MARK3: variants seen among roughly 807,000 people sequenced by gnomAD.
MARK3 encodes microtubule affinity regulating kinase 3.
Under a neutral mutation model 90.1 loss-of-function variants are expected in MARK3, and 46 were observed. That is an observed-to-expected ratio of 0.51 (90% CI 0.40 to 0.65). The LOEUF (loss-of-function observed/expected upper bound fraction) is 0.65, where lower values mean the gene tolerates loss of function less well. MARK3 is among the 30% of genes least tolerant of loss of function. MARK3 has a pLI of 0.00. For synonymous variants in MARK3, 321 were observed against 332.6 expected (o/e 0.97, Z 0.38); for missense variants, 818 against 947.2 (o/e 0.86, Z 1.79).
At chr14:103,422,820 T>G (rs1363983240) in intron 2 of MARK3, among the ~76,000 whole-genome samples, 1 of 152,222 alleles carries the variant, frequency 6.6e-6, no homozygotes, top group African/African-American at 2.4e-5. Context: ...TAACCAACTG[T>G]TGTAGTTGTT....
chr14:103,494,544 CAAAAAAAAAA>C (rs35133138), intron 15 of MARK3, among the ~76,000 whole-genome samples: 4 of 84,624 alleles, frequency 4.7e-5, no homozygotes, highest in Non-Finnish European at 6.6e-5. Flanking sequence ...AACTCTGTCT[CAAAAAAAAAA>C]AAAAAAAAAA....
Position 103,491,897 on chromosome 14 carries a change from C to G in MARK3, c.1707C>G (p.Pro569=), listed in dbSNP as rs747925372. Residue 569 remains proline, a synonymous_variant, in exon 15 of 18, where the codon CCC becomes CCG. Coordinates refer to ENST00000429436, the MANE Select transcript of MARK3 (RefSeq NM_001128918.3). ...GTCGTAGCACTTTCCACGGCCAGCC[C>G]CGGGAACGGCGAACCGCAACATATA... ...TASRSTFHGQ[P]RERRTATYNG... 7.4e-6 allele frequency: 12 copies of G among 1,614,162 alleles called. No individual in the cohort carries two copies. In the South Asian group the frequency reaches 1.3e-4, roughly 18 times the overall value.
chr14:103,412,571 C>A (rs2091710295), intron 2 of MARK3: 1 of 677,692 alleles, frequency 1.5e-6, no homozygotes. Flanking sequence ...CCCCCAGGAC[C>A]CACACTTGGG....
intron 5 of MARK3, among the ~76,000 whole-genome samples, chr14:103,454,589 C>T (rs1236813290): frequency 6.6e-6 from 1 of 152,176 alleles, no homozygotes; most frequent in East Asian, 1.9e-4. Context: ...AAACAATTTC[C>T]GGGACATATG....
intron 13 of MARK3, among the ~76,000 whole-genome samples, chr14:103,477,396 G>A (rs1219801730): frequency 6.6e-6 from 1 of 152,090 alleles, no homozygotes; most frequent in African/African-American, 2.4e-5. Context: ...GGAGGCTGAG[G>A]CAGGAGAATT....
intron 12 of MARK3, among the ~76,000 whole-genome samples, chr14:103,472,392 C>A (rs1332866749): frequency 6.6e-6 from 1 of 151,738 alleles, no homozygotes; most frequent in African/African-American, 2.4e-5. Context: ...TCGCATAATC[C>A]CAGCACTTTG....
At chr14:103,427,168 T>TC (rs1006178182) in intron 2 of MARK3, among the ~76,000 whole-genome samples, 2 of 151,294 alleles carry the variant, frequency 1.3e-5, no homozygotes, top group Non-Finnish European at 2.9e-5. Context: ...AATTTTCTTT[T>TC]TTTTTTTTCT....
intron 5 of MARK3, among the ~76,000 whole-genome samples, chr14:103,454,474 TCCTGA>T (rs1487837597): frequency 6.6e-6 from 1 of 152,198 alleles, no homozygotes; most frequent in Non-Finnish European, 1.5e-5. Context: ...GGTCTTGAAC[TCCTGA>T]CCTCAAGTGA....
chr14:103,475,521 C>G (rs2093699375), intron 13 of MARK3, among the ~76,000 whole-genome samples: 1 of 152,214 alleles, frequency 6.6e-6, no homozygotes. Flanking sequence ...AGTTCCGTGT[C>G]TGGCAAGGGC....
chr14:103,413,495 C>A (rs2091782499), intron 2 of MARK3, among the ~76,000 whole-genome samples: 1 of 149,900 alleles, frequency 6.7e-6, no homozygotes, highest in Admixed American at 6.7e-5. Context: ...GCGATCTCGG[C>A]TCACTGCAAG....
intron 2 of MARK3, among the ~76,000 whole-genome samples, chr14:103,413,546 C>T (rs762190313): frequency 6.6e-6 from 1 of 151,300 alleles, no homozygotes; most frequent in African/African-American, 2.4e-5. Flanking sequence ...CTTCAGCCTC[C>T]CCAGTAGCTG....
In MARK3 at chr14:103,385,724, C is replaced by T. The variant is rs1003313982; in HGVS notation, c.-306C>T. 5.7e-5 allele frequency: 18 copies of T among 316,576 alleles called. No individual in the cohort carries two copies. The highest frequency in any genetic ancestry group is 1.0e-4 in the Admixed American group (2 of 19,496). 19.6% of individuals were successfully genotyped at this position (316,576 alleles called of 1,614,324 possible). On this transcript the variant is annotated 5_prime_UTR_variant, in exon 1 of 18. Transcript: ENST00000429436. The stretch of plus-strand genomic sequence containing the variant: ...TGAGGGGGCCCAGGATCGCGGGGCG[C>T]CCTGAGGCAAGGGGACGCCGGCGGG...
At chr14:103,407,024 G>A (rs945153895) in intron 2 of MARK3, among the ~76,000 whole-genome samples, 4 of 151,896 alleles carry the variant, frequency 2.6e-5, no homozygotes, top group South Asian at 2.1e-4. Flanking sequence ...TAGTAGAGAC[G>A]GGGTTTCACT....
intron 15 of MARK3, among the ~76,000 whole-genome samples, chr14:103,493,317 C>T (rs2075120861): frequency 7.6e-6 from 1 of 131,212 alleles, no homozygotes; most frequent in Non-Finnish European, 1.5e-5. Flanking sequence ...TGCAGTGGTG[C>T]AATCTTGGCT....
chr14:103,450,912 G>A (rs2093125520), intron 4 of MARK3, among the ~76,000 whole-genome samples: 1 of 58,730 alleles, frequency 1.7e-5, no homozygotes, highest in Non-Finnish European at 3.6e-5. Context: ...GTGTGTGTGT[G>A]TGTGTATTCT....
rs143810022 is a variant in MARK3, at chr14:103,389,101, A to C, written c.51+3021A>C. The stretch of plus-strand genomic sequence containing the variant: ...AAAGGCAGGCCGGGTGTGGTGGCTC[A>C]TACCTGTAATCCCAGCACTTTGAGA... On this transcript the variant is annotated intron_variant, in intron 1 of 17. Transcript: ENST00000429436. Among the ~76,000 whole-genome samples the C allele has an allele frequency of 1.0e-3, 158 of 152,146 alleles. 5 individuals are homozygous for C. The East Asian group carries it at 0.026, about 25-fold the overall frequency.
intron 4 of MARK3, among the ~76,000 whole-genome samples, chr14:103,449,252 TAGAAG>T (rs2093071466): frequency 1.3e-5 from 2 of 151,404 alleles, no homozygotes; most frequent in African/African-American, 4.8e-5. Context: ...CATGAGTAGA[TAGAAG>T]GGAATTATAG....
At position 103,488,139 on chromosome 14, in the gene MARK3, TAGTC is replaced by T. The variant is rs566540821; in HGVS notation, c.1587-3634_1587-3631del. On this transcript the variant is annotated intron_variant, in intron 14 of 17. Transcript: ENST00000429436. Reference sequence around the variant, plus strand: ...CAACCGAGCATTTCTTTAAAAACCTTAGTCAGTTAGAACTGTCTCTGTTGCAGGT... The same window carrying T: ...CAACCGAGCATTTCTTTAAAAACCTTAGTTAGAACTGTCTCTGTTGCAGGT... 2.9e-4 allele frequency among the ~76,000 whole-genome samples: 44 copies of T among 152,318 alleles called. 3 individuals are homozygous for T. Among genetic ancestry groups the T allele is most frequent in the Admixed American group, 1.8e-3 (28 of 15,298 alleles).
chr14:103,397,535 C>T (rs2090660441), intron 1 of MARK3, among the ~76,000 whole-genome samples: 1 of 152,006 alleles, frequency 6.6e-6, no homozygotes, highest in African/African-American at 2.4e-5. Context: ...CCATATTGGC[C>T]AGGCTGGTCT....
Sources: gnomAD v4.1 joint callset for allele counts (sites outside exome capture counted in the v4.1 genomes callset) on GRCh38, gnomAD v4.1.1 for gene constraint, MANE v1.5 for transcripts, NCBI Gene and HGNC (gene_info 2026-07-23, HGNC 2026-07-21) for gene names.